The following CFAP99 variants were observed in gnomAD, a reference collection of about 807,000 sequenced individuals.
The protein encoded by CFAP99 is cilia and flagella associated protein 99.
A neutral mutation model predicts 82.7 loss-of-function variants in CFAP99; 84 were observed. That is an observed-to-expected ratio of 1.02 (90% CI 0.85 to 1.22). The LOEUF is 1.22. Among genes scored for constraint, CFAP99 ranks in the 50% most tolerant of loss-of-function variants. The pLI is 0.00. For synonymous variants in CFAP99, 456 were observed against 429.5 expected (o/e 1.06, Z -0.76); for missense variants, 1,059 against 983.5 (o/e 1.08, Z -1.03).
chr4:2,437,994 C>T (rs971395359), intron 3 of CFAP99, 76 bp from the exon 4 acceptor site: 21 of 838,132 alleles, frequency 2.5e-5, no homozygotes, highest in South Asian at 2.2e-4. Context: ...ACGGTGGAGG[C>T]CTTCGGCTCC....
At chr4:2,426,404 G>A in intron 1 of CFAP99, 55 bp from the exon 2 acceptor site, 1 of 1,109,956 alleles carries the variant, frequency 9.0e-7, no homozygotes, top group South Asian at 1.3e-5. Context: ...GCTGGGGAGG[G>A]TCCTGCGGCT....
rs1309350638 is a variant in CFAP99 at position 2,448,836 on chromosome 4, CCT to C, written c.643-832_643-831del. Among the ~76,000 whole-genome samples the C allele has an allele frequency of 6.6e-6, 1 of 152,210 alleles. No homozygotes were observed. Among genetic ancestry groups the C allele is most frequent in the African/African-American group, 2.4e-5 (1 of 41,444 alleles). ...GGCAGGCTGGCGCCAACACAGGGTC[CCT>C]CCAGCTGCCGTGGCCAAGGAGGGCA... On this transcript the variant is annotated intron_variant, in intron 6 of 14. Coordinates refer to ENST00000635017, the Ensembl canonical transcript of CFAP99. This position sits in a 1 kb window ranked among gnomAD's most constrained non-coding sequence, Gnocchi z 5.2.
At chr4:2,451,551 T>C (rs1360484087) in intron 10 of CFAP99, among the ~76,000 whole-genome samples, 199 bp downstream of exon 10, 1 of 151,942 alleles carries the variant, frequency 6.6e-6, no homozygotes, top group Non-Finnish European at 1.5e-5. Context: ...TCATGCCGGC[T>C]CAGTGAGGGG....
exon 11 of CFAP99, chr4:2,452,346 G>A: frequency 5.2e-6 from 8 of 1,533,998 alleles, no homozygotes; most frequent in Non-Finnish European, 1.7e-6. Context: ...AGAAGGAGCA[G>A]GTGGGTGCCA....
rs1734509606 is a variant in CFAP99, at chr4:2,459,105, A to C, written c.1304-2A>C. On this transcript the variant is annotated splice_acceptor_variant, in intron 12 of 14. Coordinates refer to ENST00000635017, the Ensembl canonical transcript of CFAP99. LOFTEE classifies it high-confidence loss of function. Reference sequence around the variant, plus strand: ...ACCTCAGCTCCTGGCTTGGCCCCCAAGTTCAGGAGGCGATCGAGGAGAGCA... The same window carrying C: ...ACCTCAGCTCCTGGCTTGGCCCCCACGTTCAGGAGGCGATCGAGGAGAGCA... The C allele has an allele frequency of 2.0e-6, 3 of 1,507,728 alleles. No individual in the cohort carries two copies. The highest frequency in any genetic ancestry group is 2.7e-6 in the Non-Finnish European group (3 of 1,131,360). 93.4% of individuals were successfully genotyped at this position (1,507,728 alleles called of 1,614,324 possible).
At chr4:2,439,776 C>T (rs1048422665) in intron 4 of CFAP99, among the ~76,000 whole-genome samples, 1 of 152,136 alleles carries the variant, frequency 6.6e-6, no homozygotes, top group African/African-American at 2.4e-5. Flanking sequence ...AGAAACCAAA[C>T]CCCAGAAACC....
chr4:2,430,600 C>T (rs957032606), intron 2 of CFAP99, among the ~76,000 whole-genome samples: 5 of 152,204 alleles, frequency 3.3e-5, no homozygotes, highest in Non-Finnish European at 7.3e-5. Flanking sequence ...CAGCAGACTG[C>T]GGTGAAAGGC....
At chr4:2,461,487 G>C (rs751267971) in intron 14 of CFAP99, among the ~76,000 whole-genome samples, 8 of 152,222 alleles carry the variant, frequency 5.3e-5, no homozygotes, top group Admixed American at 1.3e-4. Flanking sequence ...AACCGCTGCT[G>C]GTGCTGTACA....
At position 2,444,477 on chromosome 4, in the gene CFAP99, A is replaced by C. The variant is rs535348006; in HGVS notation, c.465-654A>C. Among the ~76,000 whole-genome samples, 85 of 152,312 alleles carry C rather than the reference A, an allele frequency of 5.6e-4. 2 individuals carry two copies. The highest frequency in any genetic ancestry group is 2.9e-3 in the Admixed American group (44 of 15,308). ...GGTGAGGGAGGAGCTATTTGAAGCC[A>C]TGCCCTCTGCCCCCTGGGAGCCCAC... On this transcript the variant is annotated intron_variant, in intron 5 of 14. Coordinates refer to ENST00000635017, the Ensembl canonical transcript of CFAP99.
chr4:2,458,688 C>A (rs704345), intron 11 of CFAP99, 35 bp from the exon 12 acceptor site: 1 of 1,517,324 alleles, frequency 6.6e-7, no homozygotes, highest in South Asian at 1.2e-5. Flanking sequence ...GCCGGAGCAG[C>A]CCCACTCACC....
Position 2,448,050 on chromosome 4 carries a change from G to A in CFAP99, c.643-1620G>A, listed in dbSNP as rs1427489918. On this transcript the variant is annotated intron_variant, in intron 6 of 14. Transcript: ENST00000635017. This position sits in a 1 kb window ranked among gnomAD's most constrained non-coding sequence, Gnocchi z 5.2. ...ATGGATGGATGGATGGATGATCAGA[G>A]GGATGGATAGATGGATAGACAAATG... 7.5e-6 allele frequency among the ~76,000 whole-genome samples: 1 copy of A among 134,106 alleles called. No homozygotes were observed. The highest frequency in any genetic ancestry group is 2.9e-5 in the African/African-American group (1 of 33,932). The allele number at this position is 134,106 out of a possible 152,430, so 88.0% of individuals were successfully genotyped here. A position where few individuals can be genotyped will look rare whatever the true frequency, so the allele number is the denominator to read the frequency against.
intron 2 of CFAP99, 109 bp from the exon 3 acceptor site, chr4:2,436,765 T>C (rs1203763): frequency 0.69 from 601,243 of 866,502 alleles, 213,509 homozygotes; most frequent in East Asian, 1. Context: ...ACAGGCCCTT[T>C]GCAGCCCCGG....
At chr4:2,431,212 C>CA (rs926164207) in intron 2 of CFAP99, among the ~76,000 whole-genome samples, 2 of 145,254 alleles carry the variant, frequency 1.4e-5, no homozygotes, top group Admixed American at 1.4e-4. Flanking sequence ...ACTAAAAATA[C>CA]AAAAAAATTA....
At chr4:2,450,108 T>A in intron 8 of CFAP99, 103 bp downstream of exon 8, 1 of 1,193,902 alleles carries the variant, frequency 8.4e-7, no homozygotes, top group Non-Finnish European at 1.2e-6. Flanking sequence ...TGTAGCCTTT[T>A]CCCACTGAGG....
intron 2 of CFAP99, 150 bp downstream of exon 2, chr4:2,426,736 G>C (rs2269493): frequency 3.3e-6 from 2 of 615,300 alleles, no homozygotes; most frequent in South Asian, 1.8e-5. Context: ...CCTGCTCTTC[G>C]TATGGGGAGG....
At chr4:2,455,048 C>G (rs1297882321) in intron 11 of CFAP99, among the ~76,000 whole-genome samples, 2 of 152,192 alleles carry the variant, frequency 1.3e-5, no homozygotes, top group Non-Finnish European at 2.9e-5. Context: ...GCCTCCCAAG[C>G]AGGTGAAACT....
intron 1 of CFAP99, among the ~76,000 whole-genome samples, chr4:2,422,470 C>G (rs1203790): frequency 0.71 from 107,570 of 152,048 alleles, 38,711 homozygotes; most frequent in East Asian, 0.99. Context: ...TGGCCCTCTT[C>G]CTCCTCCTCG....
chr4:2,429,374 A>G (rs1342004916), intron 2 of CFAP99: 1 of 152,248 alleles, frequency 6.6e-6, no homozygotes, highest in East Asian at 1.9e-4. Flanking sequence ...TATTAGTGGT[A>G]GATGAGACTA....
At chr4:2,425,331 G>C (rs1172882219) in intron 1 of CFAP99, among the ~76,000 whole-genome samples, 1 of 152,180 alleles carries the variant, frequency 6.6e-6, no homozygotes, top group Non-Finnish European at 1.5e-5. Context: ...TGGCCAGGGA[G>C]AGAGTCAGGG....
Sources: allele counts gnomAD v4.1 joint callset (sites outside exome capture counted in the v4.1 genomes callset), GRCh38; gene constraint gnomAD v4.1.1; non-coding constraint Gnocchi (gnomAD v3.1); transcripts MANE v1.5; gene names NCBI Gene and HGNC (gene_info 2026-07-23, HGNC 2026-07-21).